Variants in HS6ST3 observed in about 807,000 individuals in gnomAD.
HS6ST3 encodes the protein heparan sulfate 6-O-sulfotransferase 3, also known as heparan-sulfate 6-O-sulfotransferase 3.
In HS6ST3, 12 loss-of-function variants were observed where a neutral mutation model predicts 36.7. The observed-to-expected ratio is 0.33, with a 90% CI of 0.21 to 0.53. The LOEUF (loss-of-function observed/expected upper bound fraction) is 0.53, where lower values mean the gene tolerates loss of function less well. HS6ST3 is among the 20% of genes least tolerant of loss of function. HS6ST3 has a pLI of 0.95. For missense variants in HS6ST3, 584 were observed against 640.9 expected (o/e 0.91, Z 0.96); for synonymous variants, 240 against 257.5 (o/e 0.93, Z 0.65).
chr13:96,366,046 T>A (rs902526112), intron 1 of HS6ST3, among the ~76,000 whole-genome samples: 7 of 152,232 alleles, frequency 4.6e-5, no homozygotes, highest in Non-Finnish European at 7.3e-5. Context: ...TATCTACTGC[T>A]GAATTAGTCC....
chr13:96,307,338 CAATGAG>C (rs1454370148), intron 1 of HS6ST3, among the ~76,000 whole-genome samples: 8 of 151,976 alleles, frequency 5.3e-5, no homozygotes, highest in Admixed American at 4.6e-4. Flanking sequence ...TTTCTGCAAA[CAATGAG>C]AATAATTATT....
chr13:96,402,278 A>G (rs1286399637), intron 1 of HS6ST3, among the ~76,000 whole-genome samples: 2 of 152,264 alleles, frequency 1.3e-5, no homozygotes, highest in African/African-American at 4.8e-5. Flanking sequence ...AAGTGGAGAT[A>G]ACAATAGCAC....
At chr13:96,695,899 T>G (rs978062181) in intron 1 of HS6ST3, among the ~76,000 whole-genome samples, 1 of 152,190 alleles carries the variant, frequency 6.6e-6, no homozygotes, top group African/African-American at 2.4e-5. Context: ...GAATCAGGCC[T>G]TCTGAATCCA....
Position 96,630,455 on chromosome 13 carries a change from A to G in HS6ST3, c.708-202035A>G, listed in dbSNP as rs145590405. Among the ~76,000 whole-genome samples, 21 of 152,328 alleles carry G rather than the reference A, an allele frequency of 1.4e-4. No homozygotes were observed. The East Asian group carries it at 3.9e-3, about 28-fold the overall frequency. On this transcript the variant is annotated intron_variant, in intron 1 of 1. Coordinates refer to ENST00000376705, the MANE Select transcript of HS6ST3 (RefSeq NM_153456.4). ...TTCCTTATTCCCCACAGTGATGAACATAACTACTAGTTCTCAGATTTACTT... is the reference window on the plus strand; with the variant it reads ...TTCCTTATTCCCCACAGTGATGAACGTAACTACTAGTTCTCAGATTTACTT...
chr13:96,709,130 C>A (rs948070463), intron 1 of HS6ST3, among the ~76,000 whole-genome samples: 2 of 152,140 alleles, frequency 1.3e-5, no homozygotes, highest in Non-Finnish European at 2.9e-5. Flanking sequence ...CTCACAAGAT[C>A]TGATGGTTTT....
intron 1 of HS6ST3, among the ~76,000 whole-genome samples, chr13:96,195,771 A>G (rs765957433): frequency 2.9e-4 from 44 of 152,294 alleles, no homozygotes; most frequent in African/African-American, 4.1e-4. Context: ...GTGTTCACAG[A>G]TGGCAGAAAG....
intron 1 of HS6ST3, among the ~76,000 whole-genome samples, chr13:96,676,074 A>T (rs1435244319): frequency 2.6e-5 from 4 of 152,152 alleles, no homozygotes; most frequent in African/African-American, 9.7e-5. Context: ...TGCTTCTTGG[A>T]ACAGGGTCCC....
intron 1 of HS6ST3, among the ~76,000 whole-genome samples, chr13:96,107,336 A>G (rs752552657): frequency 6.6e-6 from 1 of 152,138 alleles, no homozygotes; most frequent in Non-Finnish European, 1.5e-5. Context: ...ATGGCTGCCT[A>G]AGATGGGGCA....
At chr13:96,133,904 A>G (rs1488338868) in intron 1 of HS6ST3, among the ~76,000 whole-genome samples, 32 of 146,902 alleles carry the variant, frequency 2.2e-4, no homozygotes, top group Admixed American at 2.1e-3. Flanking sequence ...TCTTTAATCC[A>G]TTTTGAGTTG....
At chr13:96,360,522 T>A (rs1458251159) in intron 1 of HS6ST3, among the ~76,000 whole-genome samples, 2 of 151,564 alleles carry the variant, frequency 1.3e-5, no homozygotes, top group African/African-American at 4.9e-5. Flanking sequence ...TCACCCACTG[T>A]CAGAAATAGC....
intron 1 of HS6ST3, among the ~76,000 whole-genome samples, chr13:96,388,160 A>G (rs1002045487): frequency 1.3e-5 from 2 of 152,218 alleles, no homozygotes; most frequent in Non-Finnish European, 2.9e-5. Flanking sequence ...TTTCATTTGC[A>G]TTTAAAGAGC....
At chr13:96,691,118 T>C (rs917395578) in intron 1 of HS6ST3, among the ~76,000 whole-genome samples, 1 of 152,052 alleles carries the variant, frequency 6.6e-6, no homozygotes, top group Non-Finnish European at 1.5e-5. Context: ...TCATTTCACA[T>C]CTCAGCAAAA....
intron 1 of HS6ST3, among the ~76,000 whole-genome samples, chr13:96,445,631 C>T (rs140586729): frequency 3.7e-4 from 56 of 151,892 alleles, no homozygotes; most frequent in Non-Finnish European, 5.4e-4. Flanking sequence ...CTTTGGGAGG[C>T]GAAGGCAAGC....
At chr13:96,271,436 A>G (rs906484709) in intron 1 of HS6ST3, among the ~76,000 whole-genome samples, 14 of 152,102 alleles carry the variant, frequency 9.2e-5, no homozygotes, top group Admixed American at 8.5e-4. Flanking sequence ...AGCTGGCTCC[A>G]GCACATCACT....
At chr13:96,700,008 G>A (rs953715562) in intron 1 of HS6ST3, among the ~76,000 whole-genome samples, 1 of 152,064 alleles carries the variant, frequency 6.6e-6, no homozygotes, top group Non-Finnish European at 1.5e-5. Context: ...TAGCCTTCTT[G>A]GTGACAATAG....
At chr13:96,495,680 G>A (rs2055971430) in intron 1 of HS6ST3, among the ~76,000 whole-genome samples, 1 of 152,084 alleles carries the variant, frequency 6.6e-6, no homozygotes, top group South Asian at 2.1e-4. Flanking sequence ...TGGGGCAAGG[G>A]GAGTGTAATT....
chr13:96,607,406 A>G (rs2056442922), intron 1 of HS6ST3, among the ~76,000 whole-genome samples: 1 of 152,244 alleles, frequency 6.6e-6, no homozygotes, highest in East Asian at 1.9e-4. Flanking sequence ...CACAACATGT[A>G]AGAACTCGGA....
At position 96,379,499 on chromosome 13, in the gene HS6ST3, G is replaced by A. The variant is rs192726272; in HGVS notation, c.707+287930G>A. On this transcript the variant is annotated intron_variant, in intron 1 of 1. Coordinates refer to ENST00000376705, the MANE Select transcript of HS6ST3 (RefSeq NM_153456.4). ...TATCTTGGACTTTTCAATTTCCAGA[G>A]CTGTGAGAAATAAATTTCTATTGTT... Among the ~76,000 whole-genome samples the A allele has an allele frequency of 1.4e-4, 21 of 152,344 alleles. No individual in the cohort carries two copies. The East Asian group carries it at 3.5e-3, about 25-fold the overall frequency.
intron 1 of HS6ST3, among the ~76,000 whole-genome samples, chr13:96,122,274 C>G (rs1454985767): frequency 6.6e-6 from 1 of 151,862 alleles, no homozygotes; most frequent in Non-Finnish European, 1.5e-5. Flanking sequence ...GCATGCTTAG[C>G]TATATATATT....
Sources: gnomAD v4.1 joint callset for allele counts (sites outside exome capture counted in the v4.1 genomes callset) on GRCh38, gnomAD v4.1.1 for gene constraint, MANE v1.5 for transcripts, NCBI Gene and HGNC (gene_info 2026-07-23, HGNC 2026-07-21) for gene names.